IRS1: variants seen among roughly 807,000 people sequenced by gnomAD.
IRS1 encodes the protein insulin receptor substrate 1.
IRS1 carries 34 observed loss-of-function variants against 65.6 expected under a neutral mutation model. The ratio of observed to expected loss-of-function variants is 0.52; its 90% confidence interval spans 0.39 to 0.69. The LOEUF is 0.69. Among genes scored for constraint, IRS1 ranks in the 30% least tolerant of loss-of-function variants. IRS1 has a pLI of 0.00. For synonymous variants in IRS1, 699 were observed against 683.5 expected, an observed-to-expected ratio of 1.02 and a Z score of -0.35; for missense variants, 1,641 against 1,720.2, an observed-to-expected ratio of 0.95 and a Z score of 0.81.
chr2:226,763,054 A>T (rs1938951529), intron 1 of IRS1, among the ~76,000 whole-genome samples: 1 of 152,192 alleles, frequency 6.6e-6, no homozygotes, highest in South Asian at 2.1e-4. Context: ...TTTTACAACA[A>T]AGAATGTACA....
intron 1 of IRS1, among the ~76,000 whole-genome samples, chr2:226,791,021 G>A (rs1410644445): frequency 6.6e-6 from 1 of 152,174 alleles, no homozygotes; most frequent in Non-Finnish European, 1.5e-5. Flanking sequence ...CGGGTTCTCA[G>A]GATCTGCAAG....
At chr2:226,767,985 T>C (rs1475905910) in intron 1 of IRS1, among the ~76,000 whole-genome samples, 2 of 152,204 alleles carry the variant, frequency 1.3e-5, no homozygotes, top group Admixed American at 1.3e-4. Flanking sequence ...CCATGGCCTA[T>C]GAAGCCCTGT....
intron 1 of IRS1, among the ~76,000 whole-genome samples, chr2:226,764,089 G>T (rs1328680938): frequency 6.6e-6 from 1 of 151,892 alleles, no homozygotes; most frequent in Non-Finnish European, 1.5e-5. Context: ...CACACTCCAA[G>T]AATCATTTCC....
intron 1 of IRS1, among the ~76,000 whole-genome samples, chr2:226,785,238 AGTACCATGAAAG>A (rs887096978): frequency 6.6e-6 from 1 of 152,222 alleles, no homozygotes; most frequent in Non-Finnish European, 1.5e-5. Flanking sequence ...TGAATGCCTA[AGTACCATGAAAG>A]TGAACAGGAA....
chr2:226,775,215 G>A (rs777229390), intron 1 of IRS1, among the ~76,000 whole-genome samples: 9 of 152,182 alleles, frequency 5.9e-5, no homozygotes, highest in East Asian at 1.9e-4. Flanking sequence ...GGTGCTGACC[G>A]AAGTAACTCT....
chr2:226,746,217 A>C (rs1208967792), intron 1 of IRS1, among the ~76,000 whole-genome samples: 1 of 152,194 alleles, frequency 6.6e-6, no homozygotes, highest in East Asian at 1.9e-4. Context: ...AAGAAATCAC[A>C]TGAATATGCT....
Position 226,795,142 on chromosome 2 carries a change from C to A in IRS1, c.3597G>T (p.Pro1199=), listed in dbSNP as rs751080359. 2 of 1,613,022 alleles carry A rather than the reference C, an allele frequency of 1.2e-6. No individual in the cohort carries two copies. The highest frequency in any genetic ancestry group is 1.7e-5 in the Admixed American group (1 of 59,984). The change falls in exon 1 of 2, where the codon CCG becomes CCT. Residue 1199 remains proline, a synonymous_variant. Coordinates refer to ENST00000305123, the MANE Select transcript of IRS1 (RefSeq NM_005544.3). ...GAGGGGGTGGGGGTGGGGGAGGCTG[C>A]GGTTCAGGGGTGCACTCCTGAGGGC... The part of the protein sequence containing the change: ...KQCPQECTPE[P]QPPPPPPPHQ...
intron 1 of IRS1, among the ~76,000 whole-genome samples, chr2:226,742,760 C>T (rs1436635082): frequency 6.6e-6 from 1 of 150,960 alleles, no homozygotes; most frequent in Admixed American, 6.6e-5. Context: ...AGCCTGTCAG[C>T]TCTGGCAGAG....
chr2:226,779,512 T>C (rs1418255482), intron 1 of IRS1, among the ~76,000 whole-genome samples: 3 of 152,148 alleles, frequency 2.0e-5, no homozygotes, highest in Non-Finnish European at 2.9e-5. Context: ...CAGACACATA[T>C]CTATAAGGAC....
intron 1 of IRS1, among the ~76,000 whole-genome samples, chr2:226,784,997 C>T (rs952611623): frequency 6.6e-6 from 1 of 152,192 alleles, no homozygotes; most frequent in Non-Finnish European, 1.5e-5. Flanking sequence ...CAGGACATCA[C>T]TAGTGTAAAT....
intron 1 of IRS1, among the ~76,000 whole-genome samples, chr2:226,752,816 A>G (rs1193380591): frequency 3.3e-5 from 5 of 152,238 alleles, no homozygotes; most frequent in Non-Finnish European, 7.3e-5. Flanking sequence ...CCATGCGACC[A>G]CTGGACAGCA....
Position 226,796,493 on chromosome 2 carries a change from C to A in IRS1, c.2246G>T (p.Cys749Phe). Residue 749 changes from cysteine (C) to phenylalanine (F), a missense_variant, in exon 1 of 2, where the codon TGC becomes TTC. Cys to Phe is a radical substitution (Grantham distance 205, BLOSUM62 -2). Coordinates refer to ENST00000305123, the MANE Select transcript of IRS1 (RefSeq NM_005544.3). ...CTGGGGGTCCTCAGGGCCGTAGTAG[C>A]AGTCGGAGGGGCTGCTGGTGTTGGA... is the stretch of plus-strand genomic sequence containing the variant. ...GDSNTSSPSD[C>F]YYGPEDPQHK... The A allele has an allele frequency of 6.2e-7, 1 of 1,613,886 alleles. No homozygotes were observed. The highest frequency in any genetic ancestry group is 1.7e-5 in the Admixed American group (1 of 60,032).
In IRS1 at chr2:226,796,735, G is replaced by A. The variant is rs34909077; in HGVS notation, c.2004C>T (p.Ser668=). ...DPNGYMMMSP[S]GGCSPDIGGG... ...CTCCAATGTCAGGAGAGCAGCCACC[G>A]CTGGGGGACATCATCATGTAGCCAT... The change falls in exon 1 of 2, where the codon AGC becomes AGT. Residue 668 remains serine (S), a synonymous_variant. Coordinates refer to ENST00000305123, the MANE Select transcript of IRS1 (RefSeq NM_005544.3). The A allele has an allele frequency of 1.2e-3, 1,855 of 1,610,924 alleles. 17 individuals carry two copies. The African/African-American group carries it at 0.018, about 15-fold the overall frequency.
intron 1 of IRS1, among the ~76,000 whole-genome samples, chr2:226,757,581 CT>C (rs974585310): frequency 2.0e-5 from 3 of 152,140 alleles, no homozygotes; most frequent in Non-Finnish European, 2.9e-5. Context: ...GAAATAGAGT[CT>C]TGTGTCCAAA....
At chr2:226,774,156 A>C (rs1939221183) in intron 1 of IRS1, among the ~76,000 whole-genome samples, 1 of 152,240 alleles carries the variant, frequency 6.6e-6, no homozygotes, top group Non-Finnish European at 1.5e-5. Context: ...ATTCCCCGAG[A>C]CTTGAGAGTC....
At chr2:226,792,877 G>A (rs1335739579) in intron 1 of IRS1, among the ~76,000 whole-genome samples, 1 of 152,194 alleles carries the variant, frequency 6.6e-6, no homozygotes, top group African/African-American at 2.4e-5. Context: ...CAAGCAAGCA[G>A]AATTGAGGAT....
chr2:226,796,113 C>T lies in IRS1; in HGVS notation c.2626G>A (p.Glu876Lys), dbSNP rs765919941. The change falls in exon 1 of 2, where the codon GAG becomes AAG. Residue 876 changes from glutamate (E) to lysine (K), a missense_variant. Physicochemically the swap from Glu to Lys is moderately conservative, Grantham distance 56. Transcript: ENST00000305123. ...AAGGGCTGCTGCTGCTGCTGCTGCT[C>T]TCGGGCCCGAGGTAAGGTGCTGGCC... ...PKASTLPRAR[E>K]QQQQQQPLLH... 8 of 1,613,378 alleles carry T rather than the reference C, an allele frequency of 5.0e-6. No homozygotes were observed. The African/African-American group carries it at 8.0e-5, about 16-fold the overall frequency.
chr2:226,746,181 T>G (rs1938539836), intron 1 of IRS1, among the ~76,000 whole-genome samples: 1 of 152,108 alleles, frequency 6.6e-6, no homozygotes, highest in Non-Finnish European at 1.5e-5. Flanking sequence ...AATGAAAGAC[T>G]TCTAATACTA....
chr2:226,798,333 A>G lies in IRS1; in HGVS notation c.406T>C (p.Cys136Arg). ...TCACCAAGGCCGGAGCTGCCGCTGCAGCTGCCCCCACCACCTCCCGCCCCG... is the reference window on the plus strand; with the variant it reads ...TCACCAAGGCCGGAGCTGCCGCTGCGGCTGCCCCCACCACCTCCCGCCCCG... ...ALGAGGGGGS[C>R]SGSSGLGEAG... The change falls in exon 1 of 2, where the codon TGC (cysteine) becomes CGC (arginine). Residue 136 changes from cysteine to arginine, a missense_variant. Cys to Arg is a radical substitution (Grantham distance 180, BLOSUM62 -3). Transcript: ENST00000305123. The surrounding 1 kb of genome is among the most constrained non-coding windows in gnomAD (Gnocchi z 9.4). 8.1e-6 allele frequency: 13 copies of G among 1,613,422 alleles called. No homozygotes were observed. Among genetic ancestry groups the G allele is most frequent in the Non-Finnish European group, 1.1e-5 (13 of 1,179,888 alleles).
Sources: gnomAD v4.1 joint callset for allele counts (sites outside exome capture counted in the v4.1 genomes callset) on GRCh38, gnomAD v4.1.1 for gene constraint, Gnocchi (gnomAD v3.1) non-coding constraint, MANE v1.5 for transcripts, NCBI Gene and HGNC (gene_info 2026-07-23, HGNC 2026-07-21) for gene names.